Variants in CAMTA1 observed in about 807,000 individuals in gnomAD.
CAMTA1 encodes the protein calmodulin binding transcription activator 1.
A neutral mutation model predicts 170.9 loss-of-function variants in CAMTA1; 27 were observed. The ratio of observed to expected loss-of-function variants is 0.16; its 90% confidence interval spans 0.12 to 0.22. The LOEUF (loss-of-function observed/expected upper bound fraction) is 0.22, where lower values mean the gene tolerates loss of function less well. CAMTA1 is among the 10% of genes least tolerant of loss of function. The pLI is 1.00. For synonymous variants in CAMTA1, 833 were observed against 891.5 expected (o/e 0.93, Z 1.17); for missense variants, 1,619 against 2,217.2 (o/e 0.73, Z 5.42).
At chr1:7,350,546 A>T (rs2084587886) in intron 5 of CAMTA1, among the ~76,000 whole-genome samples, 1 of 152,136 alleles carries the variant, frequency 6.6e-6, no homozygotes, top group South Asian at 2.1e-4. Context: ...GCCTTTGAAA[A>T]GCTCCTGTGA....
chr1:6,882,228 T>C (rs974324231), intron 3 of CAMTA1, among the ~76,000 whole-genome samples: 2 of 152,208 alleles, frequency 1.3e-5, no homozygotes, highest in Non-Finnish European at 2.9e-5. Context: ...CTCTTGTGTG[T>C]ATTATCTGAG....
chr1:6,970,962 G>C lies in CAMTA1; in HGVS notation c.235-120342G>C, dbSNP rs760844451. Among the ~76,000 whole-genome samples the C allele has an allele frequency of 2.6e-5, 4 of 152,266 alleles. No homozygotes were observed. The highest frequency in any genetic ancestry group is 5.9e-5 in the Non-Finnish European group (4 of 68,008). On this transcript the variant is annotated intron_variant, in intron 3 of 22. Transcript: ENST00000303635. This position sits in a 1 kb window ranked among gnomAD's most constrained non-coding sequence, Gnocchi z 4.4. ...TTCCTAAACCAGGCCGGCCCTGTCA[G>C]CCTGGCTCCAAACTTCACTCCCTGG...
chr1:6,873,318 CTT>C lies in CAMTA1; in HGVS notation c.234+48113_234+48114del, dbSNP rs1048892165. ...GGCATGTTTACCAGATCCCCAAAGA[CTT>C]TTTTGCCTTAAGTATGTCCTTTATT... On this transcript the variant is annotated intron_variant, in intron 3 of 22. Transcript: ENST00000303635. Among the ~76,000 whole-genome samples the C allele has an allele frequency of 8.6e-5, 13 of 151,890 alleles. No individual in the cohort carries two copies. In the East Asian group the frequency reaches 2.5e-3, roughly 29 times the overall value.
At chr1:6,883,990 A>G (rs1460990585) in intron 3 of CAMTA1, among the ~76,000 whole-genome samples, 4 of 152,158 alleles carry the variant, frequency 2.6e-5, no homozygotes, top group Non-Finnish European at 2.9e-5. Context: ...TTATATTTCC[A>G]TTACCTTCTA....
chr1:7,451,876 C>G lies in CAMTA1; in HGVS notation c.439-15954C>G, dbSNP rs74393741. 5.5e-3 allele frequency among the ~76,000 whole-genome samples: 840 copies of G among 152,308 alleles called. 27 individuals are homozygous for G. Among genetic ancestry groups the G allele is most frequent in the Admixed American group, 0.045 (689 of 15,296 alleles). ...CAGTAGCTCTGCTGGGCCGCGTGTGCAGACCCAGGGATGCAGAAATACATG... is the reference window on the plus strand; with the variant it reads ...CAGTAGCTCTGCTGGGCCGCGTGTGGAGACCCAGGGATGCAGAAATACATG... On this transcript the variant is annotated intron_variant, in intron 5 of 22. Transcript: ENST00000303635.
At chr1:7,758,792 G>A (rs1010508677) in intron 22 of CAMTA1, among the ~76,000 whole-genome samples, 10 of 151,958 alleles carry the variant, frequency 6.6e-5, no homozygotes, top group African/African-American at 2.2e-4. Flanking sequence ...AAAATTAGCC[G>A]GTTGCGGTGG....
intron 11 of CAMTA1, among the ~76,000 whole-genome samples, chr1:7,723,402 A>G (rs144119635): frequency 1.1e-4 from 17 of 152,368 alleles, no homozygotes; most frequent in African/African-American, 1.7e-4. Flanking sequence ...ATAAATGTAC[A>G]GGAGTCCATA....
Position 7,251,615 on chromosome 1 carries a change from C to T in CAMTA1, c.438+1989C>T, listed in dbSNP as rs1262688220. Among the ~76,000 whole-genome samples the T allele has an allele frequency of 6.6e-6, 1 of 152,202 alleles. No homozygotes were observed. Among genetic ancestry groups the T allele is most frequent in the African/African-American group, 2.4e-5 (1 of 41,452 alleles). The stretch of plus-strand genomic sequence containing the variant: ...AGCAGATATCGACCCTGTGTGCCTA[C>T]TCTGTGCAAGGCACTATGGTGTCAG... On this transcript the variant is annotated intron_variant, in intron 5 of 22. Coordinates refer to ENST00000303635, the MANE Select transcript of CAMTA1 (RefSeq NM_015215.4). The surrounding 1 kb of genome is among the most constrained non-coding windows in gnomAD (Gnocchi z 5.1).
chr1:7,269,196 G>T lies in CAMTA1; in HGVS notation c.438+19570G>T, dbSNP rs575067537. ...GCCAGGGCTGAGGTCTCATCTGAAGGCTTGACTGAGGAGGACCTGCTGCTA... is the reference window on the plus strand; with the variant it reads ...GCCAGGGCTGAGGTCTCATCTGAAGTCTTGACTGAGGAGGACCTGCTGCTA... On this transcript the variant is annotated intron_variant, in intron 5 of 22. Transcript: ENST00000303635. 3.9e-5 allele frequency among the ~76,000 whole-genome samples: 6 copies of T among 152,316 alleles called. No homozygotes were observed. The East Asian group carries it at 9.6e-4, about 24-fold the overall frequency.
rs556700785 is a variant in CAMTA1, at chr1:7,072,079, A to G, written c.235-19225A>G. Among the ~76,000 whole-genome samples the G allele has an allele frequency of 1.7e-4, 26 of 152,334 alleles. 1 individual carries two copies. The South Asian group carries it at 5.2e-3, about 30-fold the overall frequency. On this transcript the variant is annotated intron_variant, in intron 3 of 22. Transcript: ENST00000303635. ...GGGCTTTGTGGGTACCCCGCTCTAC[A>G]TGGAAATCAGCCCTATGACCACTCT...
intron 3 of CAMTA1, among the ~76,000 whole-genome samples, chr1:6,901,998 TCACGC>T (rs1055746220): frequency 5.5e-5 from 8 of 145,644 alleles, no homozygotes; most frequent in African/African-American, 2.1e-4. Flanking sequence ...TGAGCAGAGA[TCACGC>T]CACTGCACTT....
chr1:6,885,243 CAT>C (rs1286816142), intron 3 of CAMTA1, among the ~76,000 whole-genome samples: 3 of 152,128 alleles, frequency 2.0e-5, no homozygotes, highest in Non-Finnish European at 4.4e-5. Context: ...AATTACAACA[CAT>C]GTTATGGAAG....
At chr1:7,388,493 C>T (rs2088277831) in intron 5 of CAMTA1, 1 of 152,298 alleles carries the variant, frequency 6.6e-6, no homozygotes, top group Non-Finnish European at 1.5e-5. Context: ...TTCAAACGTC[C>T]CTGTGAATCG....
At chr1:7,231,088 G>A (rs1371309168) in intron 4 of CAMTA1, among the ~76,000 whole-genome samples, 1 of 152,198 alleles carries the variant, frequency 6.6e-6, no homozygotes, top group African/African-American at 2.4e-5. Context: ...AGTCGAGTCT[G>A]ATCGTGGGAT....
intron 3 of CAMTA1, among the ~76,000 whole-genome samples, chr1:6,999,794 G>A (rs949384026): frequency 2.0e-5 from 3 of 152,184 alleles, no homozygotes; most frequent in African/African-American, 7.2e-5. Context: ...CCTCACTTGT[G>A]CTCTTTCTGG....
chr1:6,949,894 C>G (rs781726484), intron 3 of CAMTA1, among the ~76,000 whole-genome samples: 1 of 152,258 alleles, frequency 6.6e-6, no homozygotes, highest in Non-Finnish European at 1.5e-5. Flanking sequence ...TGCCAGCCTC[C>G]GGGATGCTGG....
chr1:7,378,093 G>T (rs935563258), intron 5 of CAMTA1, among the ~76,000 whole-genome samples: 1 of 152,124 alleles, frequency 6.6e-6, no homozygotes, highest in East Asian at 1.9e-4. Context: ...GAACAAGTTC[G>T]CAAACCCCTC....
intron 3 of CAMTA1, among the ~76,000 whole-genome samples, chr1:7,070,809 T>C (rs1471644041): frequency 1.3e-5 from 2 of 152,228 alleles, no homozygotes; most frequent in Non-Finnish European, 2.9e-5. Context: ...ATGGAGATTG[T>C]GTGTGAGTGT....
At chr1:7,087,010 G>C (rs1421734808) in intron 3 of CAMTA1, among the ~76,000 whole-genome samples, 1 of 152,226 alleles carries the variant, frequency 6.6e-6, no homozygotes, top group Non-Finnish European at 1.5e-5. Context: ...TGCACGCCCG[G>C]AGAGTGAGGA....
Sources: gnomAD v4.1 joint callset for allele counts (sites outside exome capture counted in the v4.1 genomes callset) on GRCh38, gnomAD v4.1.1 for gene constraint, Gnocchi (gnomAD v3.1) non-coding constraint, MANE v1.5 for transcripts, NCBI Gene and HGNC (gene_info 2026-07-23, HGNC 2026-07-21) for gene names.